Variants in APBB1IP observed in about 807,000 individuals in gnomAD.
APBB1IP encodes the protein amyloid beta A4 precursor protein-binding family B member 1-interacting protein.
A neutral mutation model predicts 64.9 loss-of-function variants in APBB1IP; 27 were observed. That is an observed-to-expected ratio of 0.42 (90% CI 0.31 to 0.57). The LOEUF (loss-of-function observed/expected upper bound fraction) is 0.57, where lower values mean the gene tolerates loss of function less well. Ranked by LOEUF, APBB1IP falls within the 20% of genes least tolerant of loss-of-function variation. APBB1IP has a pLI of 0.20. For missense variants in APBB1IP, 812 were observed against 845.5 expected, an observed-to-expected ratio of 0.96 and a Z score of 0.49; for synonymous variants, 392 against 331.0, an observed-to-expected ratio of 1.18 and a Z score of -2.00.
intron 8 of APBB1IP, among the ~76,000 whole-genome samples, chr10:26,526,249 G>A (rs1004825522): frequency 6.6e-6 from 1 of 152,076 alleles, no homozygotes; most frequent in Non-Finnish European, 1.5e-5. Flanking sequence ...AAAAGGAATT[G>A]GTAAAGTCAG....
At chr10:26,460,776 A>G (rs1192360385) in intron 2 of APBB1IP, among the ~76,000 whole-genome samples, 1 of 152,168 alleles carries the variant, frequency 6.6e-6, no homozygotes, top group Non-Finnish European at 1.5e-5. Flanking sequence ...CATTGGGGGA[A>G]CAACACACAC....
chr10:26,480,134 G>A (rs1055295371), intron 2 of APBB1IP, among the ~76,000 whole-genome samples: 11 of 152,144 alleles, frequency 7.2e-5, no homozygotes, highest in African/African-American at 2.4e-4. Context: ...AGAGCAGAGC[G>A]TTTCCTTCAG....
Position 26,567,290 on chromosome 10 carries a change from G to C in APBB1IP, c.1803G>C (p.Pro601=). Residue 601 remains proline, a synonymous_variant, in exon 15 of 15, where the codon CCG becomes CCC. Coordinates refer to ENST00000376236, the MANE Select transcript of APBB1IP (RefSeq NM_019043.4). ...TCGCGGGCTCAGAGCTGCCCCCGCC[G>C]CCGCCGCCGCCGCCCGCGCCCGCGC... ...AGIAGSELPP[P]PPPPPAPAPA... is the part of the protein sequence containing the mutation. 9.4e-7 allele frequency: 1 copy of C among 1,066,848 alleles called. No homozygotes were observed. Among genetic ancestry groups the C allele is most frequent in the Non-Finnish European group, 1.1e-6 (1 of 876,612 alleles). The allele number at this position is 1,066,848 out of a possible 1,614,324, so 66.1% of individuals were successfully genotyped here.
At chr10:26,456,907 G>A (rs966321058) in intron 2 of APBB1IP, among the ~76,000 whole-genome samples, 1 of 152,196 alleles carries the variant, frequency 6.6e-6, no homozygotes, top group African/African-American at 2.4e-5. Flanking sequence ...GCTGGGGAAA[G>A]TGTGGGACAA....
Position 26,544,448 on chromosome 10 carries a change from CT to C in APBB1IP, c.1155+2757del, listed in dbSNP as rs1201691342. The stretch of plus-strand genomic sequence containing the variant: ...TAGGGTTAGGGTTTAAGGATGGAGC[CT>C]AGGAATCTTCATTTTTCCTAAGCAT... On this transcript the variant is annotated intron_variant, in intron 11 of 14. Transcript: ENST00000376236. Among the ~76,000 whole-genome samples, 3 of 152,120 alleles carry C rather than the reference CT, an allele frequency of 2.0e-5. No homozygotes were observed. In the East Asian group the frequency reaches 5.8e-4, roughly 29 times the overall value.
Position 26,513,549 on chromosome 10 carries a change from T to C in APBB1IP, c.702T>C (p.Phe234=). 6.2e-7 allele frequency: 1 copy of C among 1,611,958 alleles called. No homozygotes were observed. The highest frequency in any genetic ancestry group is 8.5e-7 in the Non-Finnish European group (1 of 1,179,586). ...IYPELQIERF[F]EDHENVVEVL... is the part of the protein sequence containing the mutation. ...TTCTTATTTCATCAGAGAGGTTTTT[T>C]GAAGACCATGAAAATGTTGTTGAAG... The change falls in exon 8 of 15, where the codon TTT becomes TTC. Residue 234 remains phenylalanine, a synonymous_variant. Coordinates refer to ENST00000376236, the MANE Select transcript of APBB1IP (RefSeq NM_019043.4).
intron 8 of APBB1IP, 137 bp downstream of exon 8, chr10:26,513,797 A>C (rs894962360): frequency 1.9e-6 from 2 of 1,076,822 alleles, no homozygotes; most frequent in Non-Finnish European, 2.6e-6. Flanking sequence ...CAGTGGCGTG[A>C]TCTTGGCTCA....
At chr10:26,455,695 T>G (rs1247827889) in intron 2 of APBB1IP, among the ~76,000 whole-genome samples, 1 of 151,952 alleles carries the variant, frequency 6.6e-6, no homozygotes, top group African/African-American at 2.4e-5. Context: ...GGATTTCTTT[T>G]TTTTTGGTTT....
At chr10:26,521,137 A>G (rs1347754395) in intron 8 of APBB1IP, among the ~76,000 whole-genome samples, 1 of 152,158 alleles carries the variant, frequency 6.6e-6, no homozygotes, top group Non-Finnish European at 1.5e-5. Context: ...GTAACTTATC[A>G]GCTTTTTGGA....
intron 6 of APBB1IP, among the ~76,000 whole-genome samples, chr10:26,509,955 T>G (rs1295666228): frequency 6.6e-6 from 1 of 152,106 alleles, no homozygotes; most frequent in Non-Finnish European, 1.5e-5. Flanking sequence ...GAATAAGATC[T>G]TTTTTGTTGT....
At chr10:26,443,543 T>TATTTATTC (rs1455747348) in intron 2 of APBB1IP, among the ~76,000 whole-genome samples, 1 of 150,290 alleles carries the variant, frequency 6.7e-6, no homozygotes, top group Admixed American at 6.6e-5. Context: ...TTTATTTATT[T>TATTTATTC]ATTCATTCAT....
chr10:26,523,010 C>CAAAAAAAAAAAAA (rs35641109), intron 8 of APBB1IP, among the ~76,000 whole-genome samples: 1 of 64,762 alleles, frequency 1.5e-5, no homozygotes, highest in Non-Finnish European at 3.1e-5. Context: ...ACTCCATCTC[C>CAAAAAAAAAAAAA]AAAAAAAAAA....
At chr10:26,454,849 A>C (rs1365575341) in intron 2 of APBB1IP, among the ~76,000 whole-genome samples, 2 of 152,252 alleles carry the variant, frequency 1.3e-5, no homozygotes, top group African/African-American at 4.8e-5. Flanking sequence ...AAAATTAAAA[A>C]TTAAAAACAG....
intron 2 of APBB1IP, among the ~76,000 whole-genome samples, chr10:26,447,293 T>G (rs1247908517): frequency 2.2e-5 from 3 of 139,066 alleles, no homozygotes; most frequent in Non-Finnish European, 4.5e-5. Context: ...GAGAGTGGCA[T>G]GAACCCAGGA....
chr10:26,513,825 T>C (rs1004200087), intron 8 of APBB1IP, among the ~76,000 whole-genome samples, 165 bp downstream of exon 8: 17 of 152,092 alleles, frequency 1.1e-4, no homozygotes, highest in Admixed American at 9.2e-4. Context: ...CTCCGCCTCC[T>C]GGGTTCAAGC....
At chr10:26,535,981 G>C in intron 9 of APBB1IP, 93 bp from the exon 10 acceptor site, 1 of 1,361,310 alleles carries the variant, frequency 7.3e-7, no homozygotes, top group Non-Finnish European at 1.0e-6. Flanking sequence ...TTGACTTTTA[G>C]TTTAAAAGCT....
intron 5 of APBB1IP, among the ~76,000 whole-genome samples, chr10:26,502,727 A>C (rs1015012815): frequency 2.6e-5 from 4 of 152,184 alleles, no homozygotes; most frequent in Non-Finnish European, 2.9e-5. Context: ...GGAAATCCCC[A>C]AAAAGACATC....
At chr10:26,561,974 A>G (rs1836978521) in intron 13 of APBB1IP, 1 of 178,914 alleles carries the variant, frequency 5.6e-6, no homozygotes, top group African/African-American at 2.4e-5. Context: ...TTCTTCAATT[A>G]CTGAAAAGTT....
At position 26,496,296 on chromosome 10, in the gene APBB1IP, T is replaced by C. The variant is rs1389465860; in HGVS notation, c.73-8T>C. 6 of 1,604,464 alleles carry C rather than the reference T, an allele frequency of 3.7e-6. No individual in the cohort carries two copies. Among genetic ancestry groups the C allele is most frequent in the Non-Finnish European group, 5.1e-6 (6 of 1,173,372 alleles). On this transcript the variant is annotated splice_region_variant and splice_polypyrimidine_tract_variant and intron_variant, in intron 3 of 14. Coordinates refer to ENST00000376236, the MANE Select transcript of APBB1IP (RefSeq NM_019043.4). Reference sequence around the variant, plus strand: ...GAATAACTTTGATGGGGGGATCTTTTTTCACAGAGTTTAGGAGTTGACACT... The same window carrying C: ...GAATAACTTTGATGGGGGGATCTTTCTTCACAGAGTTTAGGAGTTGACACT...
Sources: allele counts gnomAD v4.1 joint callset (sites outside exome capture counted in the v4.1 genomes callset), GRCh38; gene constraint gnomAD v4.1.1; transcripts MANE v1.5; gene names NCBI Gene and HGNC (gene_info 2026-07-23, HGNC 2026-07-21).